GPATCH2: variants seen among roughly 807,000 people sequenced by gnomAD.
The protein encoded by GPATCH2 is G-patch domain containing 2.
GPATCH2 carries 51 observed loss-of-function variants against 58.0 expected under a neutral mutation model. The ratio of observed to expected loss-of-function variants is 0.88; its 90% CI spans 0.70 to 1.11. The LOEUF (loss-of-function observed/expected upper bound fraction) is 1.11. GPATCH2 is among the 50% of genes most tolerant of loss of function. The probability of loss-of-function intolerance (pLI) is 0.00; values close to 1 mark genes in which losing one functional copy is unlikely to be tolerated. For missense variants in GPATCH2, 625 were observed against 652.2 expected (o/e 0.96, Z 0.45); for synonymous variants, 222 against 218.5 (o/e 1.02, Z -0.14).
At chr1:217,560,192 T>C (rs993600502) in intron 5 of GPATCH2, among the ~76,000 whole-genome samples, 2 of 152,208 alleles carry the variant, frequency 1.3e-5, no homozygotes, top group African/African-American at 2.4e-5. Flanking sequence ...GTTACTCGTG[T>C]TTGTTTTGCA....
At chr1:217,500,536 C>T (rs946017786) in intron 6 of GPATCH2, among the ~76,000 whole-genome samples, 21 of 151,666 alleles carry the variant, frequency 1.4e-4, no homozygotes, top group African/African-American at 4.1e-4. Context: ...GATTTTTTCC[C>T]GCTTGTTTGT....
At chr1:217,436,236 AC>A (rs1247232148) in intron 9 of GPATCH2, among the ~76,000 whole-genome samples, 12 of 152,194 alleles carry the variant, frequency 7.9e-5, no homozygotes, top group African/African-American at 2.7e-4. Flanking sequence ...CTGAAGTCAG[AC>A]AGGAATGTTT....
At chr1:217,471,655 G>A (rs1457365119) in intron 8 of GPATCH2, among the ~76,000 whole-genome samples, 7 of 152,118 alleles carry the variant, frequency 4.6e-5, no homozygotes, top group Admixed American at 4.6e-4. Flanking sequence ...TGATGGAAGA[G>A]GGCTGACATG....
At position 217,597,153 on chromosome 1, in the gene GPATCH2, CT is replaced by C. The variant is rs565920546; in HGVS notation, c.1098+13167del. On this transcript the variant is annotated intron_variant, in intron 5 of 9. Coordinates refer to ENST00000366935, the MANE Select transcript of GPATCH2 (RefSeq NM_018040.5). ...CAGCATGGACAACATAGCAAGACCC[CT>C]GTCCCTACCAAAAAAAAAAAAATTA... Among the ~76,000 whole-genome samples the C allele has an allele frequency of 3.1e-3, 468 of 151,214 alleles. 1 individual carries two copies. Among genetic ancestry groups the C allele is most frequent in the African/African-American group, 0.011 (444 of 40,998 alleles).
At chr1:217,610,040 CA>C in intron 5 of GPATCH2, 1 of 1,442,420 alleles carries the variant, frequency 6.9e-7, no homozygotes, top group Non-Finnish European at 9.1e-7. Context: ...ATCTTTTCAT[CA>C]AAGAGGCTCT....
intron 5 of GPATCH2, among the ~76,000 whole-genome samples, chr1:217,560,838 AT>A (rs1448902586): frequency 6.6e-6 from 1 of 152,100 alleles, no homozygotes; most frequent in South Asian, 2.1e-4. Context: ...TGGCGGTTAT[AT>A]TTTCTTCAGG....
At chr1:217,569,440 A>G (rs1365424358) in intron 5 of GPATCH2, among the ~76,000 whole-genome samples, 1 of 152,036 alleles carries the variant, frequency 6.6e-6, no homozygotes, top group East Asian at 1.9e-4. Flanking sequence ...CACGCCTGTA[A>G]TCACAGCACT....
intron 9 of GPATCH2, among the ~76,000 whole-genome samples, chr1:217,439,218 C>T (rs1659007523): frequency 6.6e-6 from 1 of 152,192 alleles, no homozygotes; most frequent in South Asian, 2.1e-4. Flanking sequence ...GAAACTCACT[C>T]AAAACCACTC....
chr1:217,509,026 T>C (rs1355591252), intron 6 of GPATCH2, among the ~76,000 whole-genome samples: 2 of 152,204 alleles, frequency 1.3e-5, no homozygotes, highest in East Asian at 3.8e-4. Flanking sequence ...TCTGGAAGGT[T>C]TTTCAGTATC....
intron 5 of GPATCH2, among the ~76,000 whole-genome samples, chr1:217,561,866 T>G (rs1366340689): frequency 6.6e-6 from 1 of 152,194 alleles, no homozygotes; most frequent in Non-Finnish European, 1.5e-5. Flanking sequence ...CCAAAGGATC[T>G]CTAACAGGCA....
rs529476363 is a variant in GPATCH2 at position 217,448,576 on chromosome 1, C to T, written c.1366+673G>A. On this transcript the variant is annotated intron_variant, in intron 9 of 9. Transcript: ENST00000366935. ...TTTATTCACAACCTTCACTACAAGG[C>T]GAGTCTTTGCCCTTTCAGTAAGGCA... is the stretch of plus-strand genomic sequence containing the variant. Among the ~76,000 whole-genome samples the T allele has an allele frequency of 1.4e-4, 22 of 152,318 alleles. No individual in the cohort carries two copies. In the South Asian group the frequency reaches 2.3e-3, roughly 16 times the overall value.
At chr1:217,576,100 A>G (rs1233488982) in intron 5 of GPATCH2, among the ~76,000 whole-genome samples, 1 of 152,180 alleles carries the variant, frequency 6.6e-6, no homozygotes, top group African/African-American at 2.4e-5. Flanking sequence ...ATGTACACAA[A>G]CACTTACATA....
intron 8 of GPATCH2, among the ~76,000 whole-genome samples, chr1:217,481,541 G>C (rs1661213130): frequency 6.6e-6 from 1 of 152,120 alleles, no homozygotes; most frequent in African/African-American, 2.4e-5. Context: ...TATAAAAATA[G>C]TGTGATAGAA....
chr1:217,501,479 T>C (rs1434972440), intron 6 of GPATCH2, among the ~76,000 whole-genome samples: 1 of 152,106 alleles, frequency 6.6e-6, no homozygotes, highest in Non-Finnish European at 1.5e-5. Flanking sequence ...AATTGCTGGT[T>C]AGTATTGTAG....
intron 8 of GPATCH2, among the ~76,000 whole-genome samples, chr1:217,472,679 G>A (rs550201964): frequency 6.6e-6 from 1 of 152,170 alleles, no homozygotes; most frequent in Non-Finnish European, 1.5e-5. Flanking sequence ...GAAACAATGT[G>A]ACATTATTTA....
At chr1:217,561,492 T>C (rs971531723) in intron 5 of GPATCH2, among the ~76,000 whole-genome samples, 1 of 152,196 alleles carries the variant, frequency 6.6e-6, no homozygotes, top group African/African-American at 2.4e-5. Context: ...ATTTAATGCA[T>C]TTTAGGCAAG....
At chr1:217,567,253 T>A (rs11586929) in intron 5 of GPATCH2, among the ~76,000 whole-genome samples, 54,594 of 151,834 alleles carry the variant, frequency 0.36, 11,801 homozygotes, top group East Asian at 0.62. Context: ...TCCACGTTGG[T>A]CAGACTGGTC....
intron 6 of GPATCH2, among the ~76,000 whole-genome samples, chr1:217,510,908 C>A (rs767468616): frequency 3.9e-5 from 6 of 151,966 alleles, no homozygotes; most frequent in Non-Finnish European, 7.4e-5. Flanking sequence ...GCCTGGCCAA[C>A]ATGGTGAAAC....
intron 8 of GPATCH2, among the ~76,000 whole-genome samples, chr1:217,484,683 A>G (rs1452519346): frequency 1.3e-5 from 2 of 150,134 alleles, no homozygotes; most frequent in African/African-American, 4.9e-5. Flanking sequence ...GTGTATACAC[A>G]TATGAACATA....
Sources: allele counts gnomAD v4.1 joint callset (sites outside exome capture counted in the v4.1 genomes callset), GRCh38; gene constraint gnomAD v4.1.1; transcripts MANE v1.5; gene names NCBI Gene and HGNC (gene_info 2026-07-23, HGNC 2026-07-21).